NEK10: variants seen among roughly 807,000 people sequenced by gnomAD.
NEK10 encodes the protein NIMA related kinase 10, also known as serine/threonine-protein kinase Nek10.
NEK10 carries 122 observed loss-of-function variants against 159.8 expected under a neutral mutation model. The observed-to-expected ratio is 0.76, with a 90% CI of 0.66 to 0.89. The LOEUF (loss-of-function observed/expected upper bound fraction) is 0.89. Ranked by LOEUF, NEK10 falls within the 40% of genes least tolerant of loss-of-function variation. The pLI, the probability that NEK10 is intolerant of heterozygous loss-of-function variation, is 0.00. For synonymous variants in NEK10, 466 were observed against 457.1 expected, an observed-to-expected ratio of 1.02 and a Z score of -0.25; for missense variants, 1,342 against 1,323.1, an observed-to-expected ratio of 1.01 and a Z score of -0.22.
chr3:27,302,321 C>A (rs2149542237), intron 12 of NEK10, among the ~76,000 whole-genome samples: 1 of 152,004 alleles, frequency 6.6e-6, no homozygotes, highest in Admixed American at 6.6e-5. Flanking sequence ...TTTCTAATTT[C>A]TTTTATTCAT....
chr3:27,284,556 T>C (rs760380693), intron 22 of NEK10, 46 bp downstream of exon 22: 6 of 1,042,994 alleles, frequency 5.8e-6, no homozygotes, highest in Non-Finnish European at 9.1e-6. Flanking sequence ...TCTAGGATAG[T>C]ATTCAGGAAT....
At chr3:27,305,731 G>A (rs1430734127) in intron 11 of NEK10, among the ~76,000 whole-genome samples, 1 of 152,088 alleles carries the variant, frequency 6.6e-6, no homozygotes, top group Admixed American at 6.6e-5. Flanking sequence ...ATGCAGGTAA[G>A]TTAAGGGCAA....
intron 23 of NEK10, among the ~76,000 whole-genome samples, chr3:27,221,216 TGAG>T (rs1181138531): frequency 2.0e-5 from 3 of 152,138 alleles, no homozygotes; most frequent in Non-Finnish European, 4.4e-5. Context: ...ATCAAGACAA[TGAG>T]AAGAGAACAC....
intron 26 of NEK10, among the ~76,000 whole-genome samples, chr3:27,184,960 G>A (rs1948476770): frequency 6.6e-6 from 1 of 151,758 alleles, no homozygotes; most frequent in African/African-American, 2.4e-5. Flanking sequence ...TTTTTAATTT[G>A]CATTAAAAAA....
intron 5 of NEK10, among the ~76,000 whole-genome samples, chr3:27,343,379 G>T (rs904310137): frequency 1.3e-5 from 2 of 152,088 alleles, no homozygotes; most frequent in African/African-American, 4.8e-5. Flanking sequence ...TTTGATCAAG[G>T]TATTAAATTA....
At chr3:27,335,681 A>G (rs1325240565) in intron 5 of NEK10, among the ~76,000 whole-genome samples, 1 of 152,222 alleles carries the variant, frequency 6.6e-6, no homozygotes. Flanking sequence ...AGCAGAATGG[A>G]ATAAAACTAA....
intron 23 of NEK10, among the ~76,000 whole-genome samples, chr3:27,224,971 T>A (rs533480936): frequency 6.6e-6 from 1 of 152,328 alleles, no homozygotes; most frequent in East Asian, 1.9e-4. Context: ...TCCCACTGTG[T>A]TAGTCCAGGT....
chr3:27,281,605 T>C (rs369930311), intron 22 of NEK10, among the ~76,000 whole-genome samples: 3 of 152,038 alleles, frequency 2.0e-5, no homozygotes, highest in East Asian at 1.9e-4. Flanking sequence ...AAAATATTTG[T>C]AGCAAGCGAA....
chr3:27,213,261 A>G (rs2149106682), intron 23 of NEK10, among the ~76,000 whole-genome samples: 1 of 152,272 alleles, frequency 6.6e-6, no homozygotes, highest in Non-Finnish European at 1.5e-5. Context: ...GACTCCCTCC[A>G]CTGGTAACAA....
intron 6 of NEK10, among the ~76,000 whole-genome samples, chr3:27,315,231 A>G (rs1010560448): frequency 7.9e-5 from 12 of 152,160 alleles, no homozygotes; most frequent in African/African-American, 2.4e-4. Flanking sequence ...CATAATTTCA[A>G]TTCTGGGAAG....
chr3:27,352,857 T>C lies in NEK10; in HGVS notation c.26A>G (p.Lys9Arg). 1 of 1,609,804 alleles carries C rather than the reference T, an allele frequency of 6.2e-7. No individual in the cohort carries two copies. Among genetic ancestry groups the C allele is most frequent in the Non-Finnish European group, 8.5e-7 (1 of 1,176,432 alleles). Reference sequence around the variant, plus strand: ...TTTATCAGTTGATTTTTCTGTGGTCTTCACCTTTTTATCTTGATCAGGCAT... The same window carrying C: ...TTTATCAGTTGATTTTTCTGTGGTCCTCACCTTTTTATCTTGATCAGGCAT... MPDQDKKV[K>R]TTEKSTDKQQ... The change falls in exon 2 of 36, where the codon AAG becomes AGG. Residue 9 changes from lysine (K) to arginine (R), a missense_variant. Physicochemically the swap from Lys to Arg is conservative, Grantham distance 26. Coordinates refer to ENST00000691995, the MANE Select transcript of NEK10 (RefSeq NM_001394966.1).
intron 31 of NEK10, among the ~76,000 whole-genome samples, chr3:27,137,392 A>G (rs1043642089): frequency 1.8e-4 from 28 of 152,246 alleles, no homozygotes; most frequent in African/African-American, 6.8e-4. Context: ...AATTAGCAAG[A>G]CAGGCATATG....
intron 31 of NEK10, among the ~76,000 whole-genome samples, chr3:27,134,631 T>A (rs1453553961): frequency 6.6e-6 from 1 of 152,170 alleles, no homozygotes; most frequent in Non-Finnish European, 1.5e-5. Context: ...TTTTTACTGC[T>A]CCTGATGGTC....
At chr3:27,131,803 A>C in intron 32 of NEK10, 77 bp downstream of exon 32, 1 of 680,054 alleles carries the variant, frequency 1.5e-6, no homozygotes, top group South Asian at 2.2e-5. Context: ...TAAAGTACGA[A>C]GTAAAGGAGG....
intron 26 of NEK10, among the ~76,000 whole-genome samples, chr3:27,186,197 G>T (rs1413278226): frequency 6.6e-6 from 1 of 152,226 alleles, no homozygotes; most frequent in Non-Finnish European, 1.5e-5. Context: ...TCCAGCAAAT[G>T]GGTGTGGAAA....
intron 1 of NEK10, among the ~76,000 whole-genome samples, chr3:27,361,897 CAA>C (rs10542897): frequency 0.55 from 81,489 of 147,840 alleles, 23,191 homozygotes; most frequent in East Asian, 0.84. Context: ...CTGGGCACTA[CAA>C]AAAAAAAAAA....
At chr3:27,122,079 AT>A (rs1282601253) in intron 32 of NEK10, among the ~76,000 whole-genome samples, 4 of 152,184 alleles carry the variant, frequency 2.6e-5, no homozygotes, top group African/African-American at 9.7e-5. Context: ...AAGGAAAAAA[AT>A]ATATGATTAT....
At chr3:27,216,065 CA>C (rs1013638981) in intron 23 of NEK10, among the ~76,000 whole-genome samples, 2 of 152,056 alleles carry the variant, frequency 1.3e-5, no homozygotes, top group Non-Finnish European at 2.9e-5. Flanking sequence ...TTGATTGTAC[CA>C]ACACTAAAGT....
chr3:27,153,793 G>A (rs1945129039), intron 30 of NEK10, among the ~76,000 whole-genome samples: 2 of 152,148 alleles, frequency 1.3e-5, no homozygotes, highest in South Asian at 4.1e-4. Context: ...AAAGGTCTGG[G>A]ATACAGCAAA....
Sources: gnomAD v4.1 joint callset for allele counts (sites outside exome capture counted in the v4.1 genomes callset) on GRCh38, gnomAD v4.1.1 for gene constraint, MANE v1.5 for transcripts, NCBI Gene and HGNC (gene_info 2026-07-23, HGNC 2026-07-21) for gene names.